MYO18B: variants seen among roughly 807,000 people sequenced by gnomAD.
The protein encoded by MYO18B is myosin XVIIIB.
Under a neutral mutation model 273.0 loss-of-function variants are expected in MYO18B, and 204 were observed. The observed-to-expected ratio is 0.75, with a 90% CI of 0.67 to 0.84. The LOEUF is 0.84. MYO18B is among the 40% of genes least tolerant of loss of function. MYO18B has a pLI of 0.00. For synonymous variants in MYO18B, 1,330 were observed against 1,305.7 expected, an observed-to-expected ratio of 1.02 and a Z score of -0.40; for missense variants, 3,212 against 3,287.6, an observed-to-expected ratio of 0.98 and a Z score of 0.56.
intron 39 of MYO18B, among the ~76,000 whole-genome samples, chr22:25,985,058 G>C (rs953457662): frequency 6.6e-6 from 1 of 152,206 alleles, no homozygotes; most frequent in Admixed American, 6.5e-5. Context: ...CTTTCTAGCT[G>C]TATGAATTTG....
intron 40 of MYO18B, among the ~76,000 whole-genome samples, chr22:25,997,476 CT>C (rs549071853): frequency 5.1e-4 from 78 of 152,150 alleles, no homozygotes; most frequent in Non-Finnish European, 8.4e-4. Context: ...CAGGGTGGTT[CT>C]TAGGGAGCAT....
At chr22:25,800,326 G>GA (rs1027221276) in intron 12 of MYO18B, among the ~76,000 whole-genome samples, 4 of 151,950 alleles carry the variant, frequency 2.6e-5, no homozygotes, top group African/African-American at 2.4e-5. Flanking sequence ...AAAATGATTG[G>GA]AAAAAAAATC....
At chr22:25,879,880 A>G (rs117427993) in intron 25 of MYO18B, among the ~76,000 whole-genome samples, 4,254 of 152,192 alleles carry the variant, frequency 0.028, 74 homozygotes, top group Non-Finnish European at 0.041. Context: ...GAAGAGTGAG[A>G]AGGGGGAGGT....
At chr22:25,945,105 C>T (rs535145118) in intron 34 of MYO18B, among the ~76,000 whole-genome samples, 2 of 152,198 alleles carry the variant, frequency 1.3e-5, no homozygotes, top group East Asian at 1.9e-4. Context: ...TCTTAGCCTT[C>T]GAGGATCTAG....
chr22:25,870,166 C>T (rs1462966883), intron 22 of MYO18B, among the ~76,000 whole-genome samples: 5 of 152,184 alleles, frequency 3.3e-5, no homozygotes, highest in Admixed American at 6.5e-5. Flanking sequence ...GGGTCTTTTC[C>T]GTACACTCTG....
chr22:25,891,551 GC>G (rs2091662337), intron 27 of MYO18B, 139 bp downstream of exon 27: 1 of 629,314 alleles, frequency 1.6e-6, no homozygotes, highest in Non-Finnish European at 2.9e-6. Context: ...AACAGGCACA[GC>G]GTACTCTCTT....
chr22:25,769,272 A>G lies in MYO18B; in HGVS notation c.1356A>G (p.Ala452=). Reference sequence around the variant, plus strand: ...AAGCAGAGGAGCCCTGCTCAAGAGCAGGTGATGGGGCTGGTGCCCTGGAGA... The same window carrying G: ...AAGCAGAGGAGCCCTGCTCAAGAGCGGGTGATGGGGCTGGTGCCCTGGAGA... ...GQEAEEPCSR[A]GDGAGALETE... The change falls in exon 4 of 44, where the codon GCA becomes GCG. Residue 452 remains alanine, a synonymous_variant. Transcript: ENST00000335473. The G allele has an allele frequency of 1.3e-6, 2 of 1,589,058 alleles. No homozygotes were observed. The highest frequency in any genetic ancestry group is 1.7e-6 in the Non-Finnish European group (2 of 1,168,164).
chr22:25,748,202 G>T (rs955299815), intron 1 of MYO18B, among the ~76,000 whole-genome samples: 2 of 152,182 alleles, frequency 1.3e-5, no homozygotes, highest in African/African-American at 2.4e-5. Flanking sequence ...GTTGTCTGTT[G>T]TTCCAGAGAG....
intron 8 of MYO18B, among the ~76,000 whole-genome samples, chr22:25,778,736 C>T (rs1601666197): frequency 6.6e-6 from 1 of 151,898 alleles, no homozygotes; most frequent in East Asian, 1.9e-4. Context: ...AAGTGATCCA[C>T]CCACCTTGGC....
At chr22:25,841,515 C>T (rs1459339725) in intron 17 of MYO18B, among the ~76,000 whole-genome samples, 2 of 152,110 alleles carry the variant, frequency 1.3e-5, no homozygotes, top group Admixed American at 1.3e-4. Context: ...GCTTTTGGAC[C>T]AGCAGACCTG....
chr22:25,861,968 C>T (rs1177061830), intron 21 of MYO18B, among the ~76,000 whole-genome samples: 1 of 152,070 alleles, frequency 6.6e-6, no homozygotes, highest in Non-Finnish European at 1.5e-5. Context: ...TATCCATGAA[C>T]TGAACCAACA....
At position 25,851,563 on chromosome 22, in the gene MYO18B, G is replaced by T; in HGVS notation, c.3869G>T (p.Gly1290Val). Reference sequence around the variant, plus strand: ...AAGAAGCTCATGTCGACCTCCGAGGGAATAGATGAAAGGAAGGTAGGTGGA... The same window carrying T: ...AAGAAGCTCATGTCGACCTCCGAGGTAATAGATGAAAGGAAGGTAGGTGGA... ...LLKKLMSTSE[G>V]IDERKAVEEL... The change falls in exon 21 of 44, where the codon GGA (glycine) becomes GTA (valine). Residue 1290 changes from glycine (G) to valine (V), a missense_variant. Gly to Val is a moderately radical substitution (Grantham distance 109). Transcript: ENST00000335473. 1 of 1,556,972 alleles carries T rather than the reference G, an allele frequency of 6.4e-7. No homozygotes were observed. The highest frequency in any genetic ancestry group is 2.4e-5 in the East Asian group (1 of 41,426).
At chr22:25,782,475 G>C (rs981515593) in intron 10 of MYO18B, among the ~76,000 whole-genome samples, 1 of 152,198 alleles carries the variant, frequency 6.6e-6, no homozygotes, top group African/African-American at 2.4e-5. Context: ...GCCTCCTGGA[G>C]GAGGTGGCCT....
At chr22:25,755,253 C>T (rs968944915) in intron 1 of MYO18B, among the ~76,000 whole-genome samples, 1 of 152,046 alleles carries the variant, frequency 6.6e-6, no homozygotes, top group Non-Finnish European at 1.5e-5. Context: ...GTTACCCAGG[C>T]TGGAGTGCAA....
the MYO18B span, among the ~76,000 whole-genome samples, chr22:26,051,216 C>CTTTTTT: frequency 2.9e-4 from 27 of 92,592 alleles, no homozygotes; most frequent in African/African-American, 4.3e-4. Context: ...TAATTGGTCC[C>CTTTTTT]TTTTTTTTTT....
At chr22:26,058,003 AG>A in the MYO18B span, among the ~76,000 whole-genome samples, 5 of 152,178 alleles carry the variant, frequency 3.3e-5, no homozygotes, top group Non-Finnish European at 7.3e-5. Flanking sequence ...GGCTCCATGC[AG>A]GCACTCCCAA....
At chr22:25,792,677 T>C (rs1436258198) in intron 11 of MYO18B, among the ~76,000 whole-genome samples, 2 of 151,954 alleles carry the variant, frequency 1.3e-5, no homozygotes, top group Admixed American at 1.3e-4. Context: ...TTATTTTTAG[T>C]AGAGACGGGG....
At chr22:25,807,717 A>G (rs540520659) in intron 12 of MYO18B, among the ~76,000 whole-genome samples, 1 of 152,302 alleles carries the variant, frequency 6.6e-6, no homozygotes, top group African/African-American at 2.4e-5. Context: ...TCTGTTGGTA[A>G]GAATCGTGTC....
intron 14 of MYO18B, among the ~76,000 whole-genome samples, chr22:25,828,374 G>A (rs1375048024): frequency 1.3e-5 from 2 of 152,202 alleles, no homozygotes; most frequent in Non-Finnish European, 2.9e-5. Flanking sequence ...ATACAAGGAG[G>A]TGATAGCTTG....
Sources: allele counts gnomAD v4.1 joint callset (sites outside exome capture counted in the v4.1 genomes callset), GRCh38; gene constraint gnomAD v4.1.1; transcripts MANE v1.5; gene names NCBI Gene and HGNC (gene_info 2026-07-23, HGNC 2026-07-21).